Variants in NRG3 observed in about 807,000 individuals in gnomAD.
NRG3 encodes the protein neuregulin 3.
A neutral mutation model predicts 66.9 loss-of-function variants in NRG3; 31 were observed. That is an observed-to-expected ratio of 0.46 (90% CI 0.35 to 0.63). The LOEUF (loss-of-function observed/expected upper bound fraction) is 0.63, where lower values mean the gene tolerates loss of function less well. Ranked by LOEUF, NRG3 falls within the 20% of genes least tolerant of loss-of-function variation. NRG3 has a pLI of 0.00. For synonymous variants in NRG3, 393 were observed against 359.4 expected, an observed-to-expected ratio of 1.09 and a Z score of -1.06; for missense variants, 910 against 878.9, an observed-to-expected ratio of 1.04 and a Z score of -0.45.
chr10:82,036,443 A>C (rs2062793707), intron 1 of NRG3, among the ~76,000 whole-genome samples: 2 of 152,096 alleles, frequency 1.3e-5, no homozygotes, highest in African/African-American at 4.8e-5. Context: ...TGAAGAAACC[A>C]GGCTCGGGGA....
intron 2 of NRG3, among the ~76,000 whole-genome samples, chr10:82,697,657 C>A (rs917925636): frequency 3.9e-5 from 6 of 152,102 alleles, no homozygotes; most frequent in Non-Finnish European, 7.4e-5. Flanking sequence ...AGCACGTGGG[C>A]AATTGGAATG....
At chr10:81,906,550 C>T (rs567329311) in intron 1 of NRG3, among the ~76,000 whole-genome samples, 58 of 152,252 alleles carry the variant, frequency 3.8e-4, no homozygotes, top group African/African-American at 1.3e-3. Flanking sequence ...TATGTTTGTC[C>T]TGTGCAGAAA....
chr10:82,307,085 G>A (rs1296825844), intron 1 of NRG3, among the ~76,000 whole-genome samples: 1 of 151,706 alleles, frequency 6.6e-6, no homozygotes, highest in African/African-American at 2.4e-5. Context: ...ATTTTCATAT[G>A]TTTTGGGTGC....
intron 2 of NRG3, among the ~76,000 whole-genome samples, chr10:82,479,569 C>T (rs1164418110): frequency 7.0e-6 from 1 of 143,162 alleles, no homozygotes; most frequent in African/African-American, 2.6e-5. Context: ...GAGTCTGAGG[C>T]AGGAGAATCG....
chr10:82,554,972 C>T (rs1443106535), intron 2 of NRG3, among the ~76,000 whole-genome samples: 1 of 152,094 alleles, frequency 6.6e-6, no homozygotes, highest in Non-Finnish European at 1.5e-5. Context: ...CCTGCAGTGG[C>T]CCAGCCTCTG....
chr10:82,625,935 T>A (rs1482537937), intron 2 of NRG3, among the ~76,000 whole-genome samples: 2 of 152,174 alleles, frequency 1.3e-5, no homozygotes, highest in Non-Finnish European at 2.9e-5. Flanking sequence ...GCATTGGAAA[T>A]CATGGGCTTC....
At chr10:82,138,272 A>C (rs1179150969) in intron 1 of NRG3, among the ~76,000 whole-genome samples, 3 of 152,146 alleles carry the variant, frequency 2.0e-5, no homozygotes, top group Non-Finnish European at 4.4e-5. Flanking sequence ...CCTGGGGGAA[A>C]AATATGTCTT....
intron 1 of NRG3, among the ~76,000 whole-genome samples, chr10:82,067,507 C>T (rs1049205889): frequency 6.6e-6 from 1 of 152,186 alleles, no homozygotes; most frequent in African/African-American, 2.4e-5. Flanking sequence ...GCCACCATGT[C>T]TGGCTAATTT....
intron 1 of NRG3, among the ~76,000 whole-genome samples, chr10:82,327,533 TC>T (rs1171830277): frequency 6.6e-6 from 1 of 152,224 alleles, no homozygotes; most frequent in African/African-American, 2.4e-5. Flanking sequence ...AGAGTTTACT[TC>T]AGCGGAGGCA....
chr10:82,640,400 CGTGTTATTCATAAGGAATAA>C (rs1335601107), intron 2 of NRG3, among the ~76,000 whole-genome samples: 1 of 152,146 alleles, frequency 6.6e-6, no homozygotes, highest in African/African-American at 2.4e-5. Context: ...TAGGCCACTT[CGTGTTATTCATAAGGAATAA>C]GTCAAACTTT....
chr10:81,947,633 GT>G (rs1010316739), intron 1 of NRG3, among the ~76,000 whole-genome samples: 57 of 146,530 alleles, frequency 3.9e-4, no homozygotes, highest in East Asian at 7.9e-4. Context: ...AGTATGTTGG[GT>G]TTTTTTTTTT....
chr10:81,890,348 T>TA (rs924960526), intron 1 of NRG3, among the ~76,000 whole-genome samples: 1 of 152,086 alleles, frequency 6.6e-6, no homozygotes, highest in Non-Finnish European at 1.5e-5. Context: ...AATTAATTTT[T>TA]AAAAAAAATC....
intron 2 of NRG3, among the ~76,000 whole-genome samples, chr10:82,671,444 G>C (rs1352262749): frequency 2.0e-5 from 3 of 152,202 alleles, no homozygotes; most frequent in African/African-American, 7.2e-5. Flanking sequence ...AGATTGCCTT[G>C]AAAGTCTTTG....
intron 1 of NRG3, among the ~76,000 whole-genome samples, chr10:82,130,648 C>T (rs2068758577): frequency 6.6e-6 from 1 of 152,106 alleles, no homozygotes; most frequent in Non-Finnish European, 1.5e-5. Context: ...TACTGATTTG[C>T]CTTCCTACCA....
chr10:82,184,630 T>C (rs554124281), intron 1 of NRG3, among the ~76,000 whole-genome samples: 3 of 152,162 alleles, frequency 2.0e-5, no homozygotes, highest in Non-Finnish European at 4.4e-5. Context: ...GAATTTGCCA[T>C]TCACTTTCTG....
At chr10:82,106,686 G>T (rs998534359) in intron 1 of NRG3, among the ~76,000 whole-genome samples, 10 of 151,514 alleles carry the variant, frequency 6.6e-5, no homozygotes, top group Non-Finnish European at 1.2e-4. Context: ...TTGTATTTTG[G>T]GTAGAGACAG....
At chr10:82,946,160 G>C (rs892183486) in intron 4 of NRG3, among the ~76,000 whole-genome samples, 4 of 151,320 alleles carry the variant, frequency 2.6e-5, no homozygotes, top group Non-Finnish European at 5.9e-5. Context: ...ACTGTGCAAG[G>C]CTTTTTGATA....
At chr10:82,720,836 T>C (rs2057270047) in intron 2 of NRG3, among the ~76,000 whole-genome samples, 1 of 102,798 alleles carries the variant, frequency 9.7e-6, no homozygotes, top group South Asian at 3.0e-4. Flanking sequence ...TATATATATA[T>C]ATATATCACC....
chr10:82,292,710 G>T (rs1191460757), intron 1 of NRG3, among the ~76,000 whole-genome samples: 1 of 152,124 alleles, frequency 6.6e-6, no homozygotes, highest in Non-Finnish European at 1.5e-5. Flanking sequence ...AACCTAGATG[G>T]AATTAATGCT....
Sources: allele counts gnomAD v4.1 joint callset (sites outside exome capture counted in the v4.1 genomes callset), GRCh38; gene constraint gnomAD v4.1.1; transcripts MANE v1.5; gene names NCBI Gene and HGNC (gene_info 2026-07-23, HGNC 2026-07-21).